The following CSMD1 variants were observed in gnomAD, a reference collection of about 807,000 sequenced individuals.
CSMD1 encodes the protein CUB and Sushi multiple domains 1.
Under a neutral mutation model 417.5 loss-of-function variants are expected in CSMD1, and 213 were observed. The ratio of observed to expected loss-of-function variants is 0.51; its 90% confidence interval spans 0.46 to 0.57. The LOEUF (loss-of-function observed/expected upper bound fraction) is 0.57. Among genes scored for constraint, CSMD1 ranks in the 20% least tolerant of loss-of-function variants. The pLI is 0.00. For synonymous variants in CSMD1, 2,862 were observed against 1,736.8 expected, an observed-to-expected ratio of 1.65 and a Z score of -16.11; for missense variants, 6,923 against 4,529.7, an observed-to-expected ratio of 1.53 and a Z score of -15.17.
intron 37 of CSMD1, among the ~76,000 whole-genome samples, chr8:3,173,170 AT>A (rs1158915640): frequency 6.6e-6 from 1 of 152,206 alleles, no homozygotes; most frequent in Non-Finnish European, 1.5e-5. Flanking sequence ...ACACTGAGTA[AT>A]TGTTAAAACG....
intron 1 of CSMD1, among the ~76,000 whole-genome samples, chr8:4,764,885 A>ACAAAAAACAAAACAAAACAAAAC (rs1263324929): frequency 7.6e-4 from 57 of 74,788 alleles, no homozygotes; most frequent in East Asian, 1.7e-3. Context: ...AAAAAAAAAA[A>ACAAAAAACAAAACAAAACAAAAC]AAAAAAAAAC....
intron 10 of CSMD1, among the ~76,000 whole-genome samples, chr8:3,519,026 C>G (rs929270896): frequency 6.6e-6 from 1 of 152,186 alleles, no homozygotes. Context: ...AAGCTAACTT[C>G]TGTTTCTATC....
At chr8:3,974,643 G>A (rs1322596081) in intron 5 of CSMD1, among the ~76,000 whole-genome samples, 1 of 150,766 alleles carries the variant, frequency 6.6e-6, no homozygotes, top group Non-Finnish European at 1.5e-5. Flanking sequence ...TGAAAGAACT[G>A]TTTAAACTGC....
chr8:4,070,278 T>C (rs1206760531), intron 3 of CSMD1, among the ~76,000 whole-genome samples: 1 of 152,186 alleles, frequency 6.6e-6, no homozygotes, highest in Non-Finnish European at 1.5e-5. Flanking sequence ...TAAAACATAA[T>C]GTTGTTATTT....
chr8:4,564,926 G>C (rs558175574), intron 2 of CSMD1, among the ~76,000 whole-genome samples: 41 of 152,274 alleles, frequency 2.7e-4, no homozygotes, highest in African/African-American at 9.4e-4. Flanking sequence ...ATAGTTAATA[G>C]CGGCTTTTCT....
chr8:3,237,682 T>C (rs1487602434), intron 26 of CSMD1, among the ~76,000 whole-genome samples: 3 of 144,234 alleles, frequency 2.1e-5, no homozygotes, highest in Admixed American at 1.4e-4. Context: ...TTTTTATAAT[T>C]ATACTTATAC....
chr8:3,089,914 G>T (rs768878017), intron 48 of CSMD1, among the ~76,000 whole-genome samples: 1 of 152,120 alleles, frequency 6.6e-6, no homozygotes, highest in Non-Finnish European at 1.5e-5. Context: ...CATATCACCA[G>T]GCTACTAAGA....
chr8:4,403,086 C>G (rs1804760606), intron 3 of CSMD1, among the ~76,000 whole-genome samples: 1 of 152,046 alleles, frequency 6.6e-6, no homozygotes, highest in Admixed American at 6.6e-5. Flanking sequence ...TCGCCTCAGC[C>G]TCCCAAAGTG....
At chr8:3,356,405 T>A (rs6985265) in intron 21 of CSMD1, among the ~76,000 whole-genome samples, 4,734 of 152,240 alleles carry the variant, frequency 0.031, 250 homozygotes, top group African/African-American at 0.11. Context: ...GGCCGGGCAC[T>A]GTGGCTCACG....
chr8:3,789,979 C>T (rs1012532283), intron 5 of CSMD1, among the ~76,000 whole-genome samples: 2 of 152,140 alleles, frequency 1.3e-5, no homozygotes, highest in African/African-American at 4.8e-5. Context: ...GATCCGCCCA[C>T]CTCGGCCTCC....
chr8:3,132,863 A>T (rs1375201980), intron 41 of CSMD1, among the ~76,000 whole-genome samples: 1 of 152,118 alleles, frequency 6.6e-6, no homozygotes, highest in African/African-American at 2.4e-5. Flanking sequence ...TAATCCTAGG[A>T]AACAGGAAAC....
At chr8:4,708,505 A>G (rs990957947) in intron 1 of CSMD1, among the ~76,000 whole-genome samples, 3 of 152,198 alleles carry the variant, frequency 2.0e-5, no homozygotes, top group African/African-American at 7.2e-5. Context: ...CAATAACTCA[A>G]TCTGTAGTAA....
intron 4 of CSMD1, among the ~76,000 whole-genome samples, chr8:4,021,668 G>A (rs925774595): frequency 6.6e-6 from 1 of 152,052 alleles, no homozygotes. Context: ...CTCTTTTGGC[G>A]CATACCTGCG....
intron 55 of CSMD1, among the ~76,000 whole-genome samples, chr8:2,977,789 A>AGAAG (rs1407843744): frequency 6.6e-6 from 1 of 152,222 alleles, no homozygotes; most frequent in East Asian, 1.9e-4. Context: ...ACTTCTCAAA[A>AGAAG]GAAGACATTT....
At chr8:3,891,497 T>A (rs531713500) in intron 5 of CSMD1, among the ~76,000 whole-genome samples, 1 of 151,902 alleles carries the variant, frequency 6.6e-6, no homozygotes. Context: ...CTGGACAACA[T>A]AACAAGACCC....
At chr8:4,091,462 GCAAA>G (rs1432940819) in intron 3 of CSMD1, among the ~76,000 whole-genome samples, 10 of 152,114 alleles carry the variant, frequency 6.6e-5, no homozygotes, top group Non-Finnish European at 1.2e-4. Flanking sequence ...CAGAAAAACA[GCAAA>G]CAGAGGGATT....
At position 3,449,219 on chromosome 8, in the gene CSMD1, C is replaced by G. The variant is rs1445480355; in HGVS notation, c.1561+19493G>C. Among the ~76,000 whole-genome samples the G allele has an allele frequency of 7.2e-5, 11 of 152,150 alleles. 1 individual carries two copies. The highest frequency in any genetic ancestry group is 7.2e-4 in the Admixed American group (11 of 15,284). ...TTATTTGCATCAAAATAGCATAAAC[C>G]TGAAGAATTGTAGAGGGAAGTTAAA... is the stretch of plus-strand genomic sequence containing the variant. On this transcript the variant is annotated intron_variant, in intron 12 of 69. Transcript: ENST00000635120.
At chr8:3,033,530 A>T (rs1810479027) in intron 50 of CSMD1, among the ~76,000 whole-genome samples, 1 of 152,064 alleles carries the variant, frequency 6.6e-6, no homozygotes, top group South Asian at 2.1e-4. Context: ...GTTCTCATTT[A>T]TAAGTGGGAG....
At chr8:4,928,526 G>C (rs1807028448) in intron 1 of CSMD1, among the ~76,000 whole-genome samples, 1 of 152,118 alleles carries the variant, frequency 6.6e-6, no homozygotes, top group Admixed American at 6.6e-5. Flanking sequence ...CTGAACTTCA[G>C]CTTCTTCTCT....
Sources: allele counts gnomAD v4.1 joint callset (sites outside exome capture counted in the v4.1 genomes callset), GRCh38; gene constraint gnomAD v4.1.1; transcripts MANE v1.5; gene names NCBI Gene and HGNC (gene_info 2026-07-23, HGNC 2026-07-21).